Variants in WWOX observed in about 807,000 individuals in gnomAD.
WWOX encodes the protein WW domain-containing oxidoreductase.
Under a neutral mutation model 46.2 loss-of-function variants are expected in WWOX, and 69 were observed. The ratio of observed to expected loss-of-function variants is 1.49; its 90% CI spans 1.23 to 1.82. WWOX has a LOEUF of 1.82. Ranked by LOEUF, WWOX falls within the 40% of genes most tolerant of loss-of-function variation. The pLI is 0.00. For synonymous variants in WWOX, 359 were observed against 202.6 expected (o/e 1.77, Z -6.56); for missense variants, 919 against 542.6 (o/e 1.69, Z -6.89).
chr16:78,495,034 A>G (rs2084878386), intron 8 of WWOX, among the ~76,000 whole-genome samples: 3 of 152,286 alleles, frequency 2.0e-5, no homozygotes, highest in Admixed American at 1.3e-4. Context: ...CGTACTGCAA[A>G]GTGAGGATGT....
chr16:78,266,788 T>TTCTCTCTCTCTCTCTCTCTCTC (rs60393431), intron 5 of WWOX, among the ~76,000 whole-genome samples: 2,225 of 115,418 alleles, frequency 0.019, 150 homozygotes, highest in East Asian at 0.022. Flanking sequence ...TATTCTTCTA[T>TTCTCTCTCTCTCTCTCTCTCTC]TCTCTCTCTC....
At chr16:78,789,706 T>A (rs1412565539) in intron 8 of WWOX, among the ~76,000 whole-genome samples, 1 of 152,246 alleles carries the variant, frequency 6.6e-6, no homozygotes, top group Non-Finnish European at 1.5e-5. Context: ...AATAACTGGC[T>A]TGCATATTTT....
At chr16:79,200,061 G>A (rs1308449296) in intron 8 of WWOX, among the ~76,000 whole-genome samples, 2 of 152,160 alleles carry the variant, frequency 1.3e-5, no homozygotes, top group Non-Finnish European at 2.9e-5. Flanking sequence ...CTCCTCACCT[G>A]AGCCCTGCCA....
rs1597542557 is a variant in WWOX at position 78,748,862 on chromosome 16, A to G, written c.1056+316110A>G. ...CCATATATCTTAAGTAGGAAGGAGC[A>G]TCTTTGCAGGGGAGGTGAATTGATT... On this transcript the variant is annotated intron_variant, in intron 8 of 8. Coordinates refer to ENST00000566780, the MANE Select transcript of WWOX (RefSeq NM_016373.4). Among the ~76,000 whole-genome samples the G allele has an allele frequency of 2.6e-5, 4 of 152,260 alleles. No individual in the cohort carries two copies. The South Asian group carries it at 8.3e-4, about 31-fold the overall frequency.
intron 4 of WWOX, among the ~76,000 whole-genome samples, chr16:78,126,412 T>C (rs543807533): frequency 3.3e-5 from 5 of 152,202 alleles, no homozygotes; most frequent in Non-Finnish European, 7.3e-5. Flanking sequence ...TTAAAAAATA[T>C]CACTTAAATT....
intron 8 of WWOX, among the ~76,000 whole-genome samples, chr16:78,841,630 T>C (rs957493506): frequency 1.3e-5 from 2 of 152,370 alleles, no homozygotes; most frequent in Admixed American, 1.3e-4. Context: ...AACAAAACTC[T>C]GGCGAATTTT....
At chr16:78,312,320 C>T (rs1048785008) in intron 5 of WWOX, among the ~76,000 whole-genome samples, 2 of 150,966 alleles carry the variant, frequency 1.3e-5, no homozygotes, top group African/African-American at 4.9e-5. Flanking sequence ...CCGTTGAAAA[C>T]TTCAAGTAAG....
At chr16:79,139,812 C>T (rs2050053946) in intron 8 of WWOX, among the ~76,000 whole-genome samples, 1 of 152,170 alleles carries the variant, frequency 6.6e-6, no homozygotes, top group Non-Finnish European at 1.5e-5. Flanking sequence ...TGGGCACTTG[C>T]CCGAATGACT....
Position 78,425,038 on chromosome 16 carries a change from C to T in WWOX, c.774C>T (p.Val258=). 6.2e-7 allele frequency: 1 copy of T among 1,613,896 alleles called. No homozygotes were observed. Among genetic ancestry groups the T allele is most frequent in the Non-Finnish European group, 8.5e-7 (1 of 1,180,028 alleles). ...CRSAPARVIV[V]SSESHRFTDI... ...CAGCTCCTGCCCGTGTCATTGTGGT[C>T]TCCTCAGAGTCCCATCGGTGGGTTT... is the stretch of plus-strand genomic sequence containing the variant. Residue 258 remains valine, a synonymous_variant, in exon 7 of 9, where the codon GTC becomes GTT. Transcript: ENST00000566780.
intron 8 of WWOX, among the ~76,000 whole-genome samples, chr16:78,860,932 C>T (rs1597734258): frequency 6.6e-6 from 1 of 152,190 alleles, no homozygotes; most frequent in East Asian, 1.9e-4. Context: ...CCTCCCACTT[C>T]AGCCCCCTGA....
intron 8 of WWOX, among the ~76,000 whole-genome samples, chr16:79,190,381 T>C (rs145291398): frequency 4.7e-4 from 71 of 152,212 alleles, no homozygotes; most frequent in African/African-American, 1.5e-3. Flanking sequence ...CTATTAGGCG[T>C]AGATTCCTGC....
At chr16:78,841,742 A>C (rs2052156510) in intron 8 of WWOX, among the ~76,000 whole-genome samples, 1 of 152,198 alleles carries the variant, frequency 6.6e-6, no homozygotes, top group African/African-American at 2.4e-5. Context: ...TTACCTTTGA[A>C]AATGTGTACT....
At chr16:78,150,411 C>T (rs1443714471) in intron 4 of WWOX, among the ~76,000 whole-genome samples, 3 of 152,132 alleles carry the variant, frequency 2.0e-5, no homozygotes, top group Admixed American at 1.3e-4. Context: ...CGCTCTGTTG[C>T]CCAGGCTGCA....
At chr16:78,955,304 G>C (rs11639533) in intron 8 of WWOX, among the ~76,000 whole-genome samples, 14,833 of 152,240 alleles carry the variant, frequency 0.097, 918 homozygotes, top group Middle Eastern at 0.23. Flanking sequence ...ATTCTCCACA[G>C]CTGCACATAC....
At chr16:79,044,778 G>C (rs2048035378) in intron 8 of WWOX, among the ~76,000 whole-genome samples, 1 of 152,212 alleles carries the variant, frequency 6.6e-6, no homozygotes, top group Non-Finnish European at 1.5e-5. Flanking sequence ...CAGTGTCAGA[G>C]AATGCTGAAG....
intron 8 of WWOX, among the ~76,000 whole-genome samples, chr16:78,553,463 C>G (rs1408784984): frequency 4.6e-5 from 7 of 151,728 alleles, no homozygotes; most frequent in Admixed American, 3.3e-4. Context: ...GCCTGGAGTT[C>G]GAGCCCAATA....
At chr16:79,023,761 ATATGGTG>A in intron 8 of WWOX, among the ~76,000 whole-genome samples, 1 of 147,962 alleles carries the variant, frequency 6.8e-6, no homozygotes, top group Admixed American at 6.9e-5. Flanking sequence ...CTCTACTAAA[ATATGGTG>A]ATACCCCATC....
Position 78,099,673 on chromosome 16 carries a change from G to C in WWOX, c.-106G>C. On this transcript the variant is annotated 5_prime_UTR_variant, in exon 1 of 9. Transcript: ENST00000566780. ...GAGGGCGCAGTGCGCAGGCGTGAGC[G>C]GTCGGGCCCCGACGCGCGCGGGTCT... 1 of 1,382,100 alleles carries C rather than the reference G, an allele frequency of 7.2e-7. No individual in the cohort carries two copies. Among genetic ancestry groups the C allele is most frequent in the African/African-American group, 1.5e-5 (1 of 66,830 alleles). The allele number at this position is 1,382,100 out of a possible 1,614,324, so 85.6% of individuals were successfully genotyped here.
Position 78,339,133 on chromosome 16 carries a change from T to C in WWOX, c.517-47727T>C, listed in dbSNP as rs9938375. On this transcript the variant is annotated intron_variant, in intron 5 of 8. Coordinates refer to ENST00000566780, the MANE Select transcript of WWOX (RefSeq NM_016373.4). ...TCTGCATCATATCCATATAGTGATA[T>C]CATGTATAATGATGTTTAAGAAGAC... 5.0e-5 allele frequency among the ~76,000 whole-genome samples: 6 copies of C among 119,220 alleles called. 2 individuals carry two copies. The highest frequency in any genetic ancestry group is 4.1e-4 in the Admixed American group (5 of 12,228). 78.2% of individuals were successfully genotyped at this position (119,220 alleles called of 152,430 possible). A position where few individuals can be genotyped will look rare whatever the true frequency, so the allele number is the denominator to read the frequency against.
Sources: allele counts gnomAD v4.1 joint callset (sites outside exome capture counted in the v4.1 genomes callset), GRCh38; gene constraint gnomAD v4.1.1; transcripts MANE v1.5; gene names NCBI Gene and HGNC (gene_info 2026-07-23, HGNC 2026-07-21).